Variants in ESF1 observed in about 807,000 individuals in gnomAD.
ESF1 encodes ESF1 homolog.
Under a neutral mutation model 92.0 loss-of-function variants are expected in ESF1, and 58 were observed. The observed-to-expected ratio is 0.63, with a 90% CI of 0.51 to 0.78. ESF1 has a LOEUF of 0.78. Among genes scored for constraint, ESF1 ranks in the 30% least tolerant of loss-of-function variants. The pLI, the probability that ESF1 is intolerant of heterozygous loss-of-function variation, is 0.00. For synonymous variants in ESF1, 321 were observed against 313.7 expected, an observed-to-expected ratio of 1.02 and a Z score of -0.24; for missense variants, 922 against 989.1, an observed-to-expected ratio of 0.93 and a Z score of 0.91.
At chr20:13,738,923 A>C (rs1452561824) in intron 9 of ESF1, among the ~76,000 whole-genome samples, 2 of 152,228 alleles carry the variant, frequency 1.3e-5, no homozygotes, top group Non-Finnish European at 2.9e-5. Context: ...TTAAAATTAA[A>C]AAGTAAAATA....
rs189092436 is a variant in ESF1 at position 13,775,395 on chromosome 20, C to T, written c.1036-125G>A. On this transcript the variant is annotated intron_variant, in intron 3 of 13. Transcript: ENST00000617257. The stretch of plus-strand genomic sequence containing the variant: ...CTGAAATTAATAGTACAGGAGTTAT[C>T]TAAGCGTAATTCAGTATATAAAAGA... 185 of 576,490 alleles carry T rather than the reference C, an allele frequency of 3.2e-4. 1 individual carries two copies. In the African/African-American group the frequency reaches 3.3e-3, roughly 10 times the overall value. 35.7% of individuals were successfully genotyped at this position (576,490 alleles called of 1,614,324 possible).
chr20:13,774,867 A>C (rs1382513952), intron 4 of ESF1, among the ~76,000 whole-genome samples: 1 of 152,192 alleles, frequency 6.6e-6, no homozygotes, highest in Non-Finnish European at 1.5e-5. Flanking sequence ...TGTTAGCAAT[A>C]AGGAATGCAA....
At position 13,770,022 on chromosome 20, in the gene ESF1, C is replaced by A; in HGVS notation, c.1404-1G>T. 6.4e-7 allele frequency: 1 copy of A among 1,573,682 alleles called. No homozygotes were observed. The highest frequency in any genetic ancestry group is 1.2e-5 in the South Asian group (1 of 85,888). ...AAAAGTAATATCATCTGGTATAAAC[C>A]TAAGAAGTAAAGAAAAAAAATTTAT... On this transcript the variant is annotated splice_acceptor_variant, in intron 6 of 13. Transcript: ENST00000617257. LOFTEE classifies it high-confidence loss of function.
At chr20:13,756,999 T>C (rs1186072718) in intron 9 of ESF1, among the ~76,000 whole-genome samples, 1 of 152,206 alleles carries the variant, frequency 6.6e-6, no homozygotes, top group Admixed American at 6.5e-5. Context: ...TTTTCAATGT[T>C]ATAAGTCCAC....
At chr20:13,767,247 C>A (rs759085386) in intron 7 of ESF1, among the ~76,000 whole-genome samples, 2 of 152,134 alleles carry the variant, frequency 1.3e-5, no homozygotes, top group Non-Finnish European at 2.9e-5. Context: ...ACATTATGGG[C>A]CAGGCATGGT....
At chr20:13,730,703 A>ATT (rs750007187) in intron 10 of ESF1, among the ~76,000 whole-genome samples, 75 of 143,590 alleles carry the variant, frequency 5.2e-4, no homozygotes, top group Middle Eastern at 3.6e-3. Context: ...GCTTCTAAGA[A>ATT]TTTTTTTTTT....
chr20:13,718,999 C>T lies in ESF1; in HGVS notation c.2039-15G>A. ...TTTATTTATACCTGGCACAACAAAC[C>T]AACATAAGAGTGGTAAAAATTACAG... On this transcript the variant is annotated splice_polypyrimidine_tract_variant and intron_variant, in intron 11 of 13. Transcript: ENST00000617257. The T allele has an allele frequency of 6.3e-7, 1 of 1,587,202 alleles. No individual in the cohort carries two copies. The highest frequency in any genetic ancestry group is 8.6e-7 in the Non-Finnish European group (1 of 1,168,316).
At chr20:13,743,483 G>A (rs937668578) in intron 9 of ESF1, among the ~76,000 whole-genome samples, 1 of 152,126 alleles carries the variant, frequency 6.6e-6, no homozygotes, top group Non-Finnish European at 1.5e-5. Context: ...CAACCTAAGT[G>A]TCCATCAGCA....
At chr20:13,741,966 G>T (rs1017299471) in intron 9 of ESF1, among the ~76,000 whole-genome samples, 3 of 152,124 alleles carry the variant, frequency 2.0e-5, no homozygotes, top group African/African-American at 4.8e-5. Flanking sequence ...ACATCTATTA[G>T]TATTTCACAG....
intron 9 of ESF1, among the ~76,000 whole-genome samples, chr20:13,756,282 T>C (rs1254665446): frequency 6.6e-6 from 1 of 152,224 alleles, no homozygotes; most frequent in Non-Finnish European, 1.5e-5. Context: ...TGCGTGCATG[T>C]ACATAAGGAT....
At chr20:13,762,035 T>C (rs1416648309) in intron 8 of ESF1, among the ~76,000 whole-genome samples, 2 of 152,230 alleles carry the variant, frequency 1.3e-5, no homozygotes, top group South Asian at 4.1e-4. Context: ...TGTTAACAGA[T>C]TGTCCTTGTA....
chr20:13,717,733 C>G (rs2049839669), intron 12 of ESF1, among the ~76,000 whole-genome samples: 1 of 152,092 alleles, frequency 6.6e-6, no homozygotes, highest in South Asian at 2.1e-4. Context: ...TTACTGAGAG[C>G]AGGAGAGGTA....
chr20:13,754,631 A>G (rs1168874818), intron 9 of ESF1, among the ~76,000 whole-genome samples: 2 of 152,166 alleles, frequency 1.3e-5, no homozygotes, highest in Non-Finnish European at 2.9e-5. Flanking sequence ...AAGCTTCATT[A>G]TCTGAAAATT....
chr20:13,742,947 C>T (rs2050025020), intron 9 of ESF1, among the ~76,000 whole-genome samples: 1 of 152,170 alleles, frequency 6.6e-6, no homozygotes, highest in Non-Finnish European at 1.5e-5. Flanking sequence ...GTTCTGGATA[C>T]TTTTGATAAA....
rs569488264 is a variant in ESF1, at chr20:13,767,005, C to A, written c.1519-81G>T. ...CTTGTTAAAGAATATATACTATTAA[C>A]CTGGATGTTTAACAGTAAGTTAAAA... On this transcript the variant is annotated intron_variant, in intron 7 of 13. Transcript: ENST00000617257. 61 of 1,347,472 alleles carry A rather than the reference C, an allele frequency of 4.5e-5. No individual in the cohort carries two copies. In the South Asian group the frequency reaches 8.0e-4, roughly 18 times the overall value. The allele number at this position is 1,347,472 out of a possible 1,614,324, so 83.5% of individuals were successfully genotyped here.
chr20:13,733,865 T>C lies in ESF1; in HGVS notation c.1829-23A>G, dbSNP rs780663846. On this transcript the variant is annotated intron_variant, in intron 9 of 13. Coordinates refer to ENST00000617257, the MANE Select transcript of ESF1 (RefSeq NM_001276380.2). ...GACCTGAGGAAAAATCCAAATAGTTTAGCTTAAAATGTCTTATTGTCTGGC... is the reference window on the plus strand; with the variant it reads ...GACCTGAGGAAAAATCCAAATAGTTCAGCTTAAAATGTCTTATTGTCTGGC... The C allele has an allele frequency of 3.8e-6, 6 of 1,583,754 alleles. No homozygotes were observed. In the African/African-American group the frequency reaches 6.8e-5, roughly 18 times the overall value.
At chr20:13,765,847 C>T in intron 8 of ESF1, among the ~76,000 whole-genome samples, 1 of 152,084 alleles carries the variant, frequency 6.6e-6, no homozygotes, top group Admixed American at 6.5e-5. Flanking sequence ...CACAAATAAA[C>T]AAGAGAGAAA....
intron 8 of ESF1, among the ~76,000 whole-genome samples, chr20:13,764,682 G>A (rs1291427502): frequency 4.6e-5 from 7 of 152,100 alleles, no homozygotes; most frequent in Non-Finnish European, 2.9e-5. Context: ...TCACAAGGAA[G>A]ATAAATATAT....
intron 10 of ESF1, among the ~76,000 whole-genome samples, chr20:13,733,384 T>A (rs186187501): frequency 6.6e-6 from 1 of 152,330 alleles, no homozygotes; most frequent in East Asian, 1.9e-4. Flanking sequence ...AGGAAAAATG[T>A]CTGTATGTAC....
Sources: gnomAD v4.1 joint callset for allele counts (sites outside exome capture counted in the v4.1 genomes callset) on GRCh38, gnomAD v4.1.1 for gene constraint, MANE v1.5 for transcripts, NCBI Gene and HGNC (gene_info 2026-07-23, HGNC 2026-07-21) for gene names.